RAPH1: variants seen among roughly 807,000 people sequenced by gnomAD.
RAPH1 encodes the protein Ras association (RalGDS/AF-6) and pleckstrin homology domains 1.
In RAPH1, 18 loss-of-function variants were observed where a neutral mutation model predicts 88.1. That is an observed-to-expected ratio of 0.20 (90% confidence interval 0.14 to 0.30). The LOEUF is 0.30. Ranked by LOEUF, RAPH1 falls within the 10% of genes least tolerant of loss-of-function variation. RAPH1 has a pLI of 1.00. For synonymous variants in RAPH1, 587 were observed against 559.0 expected, an observed-to-expected ratio of 1.05 and a Z score of -0.71; for missense variants, 1,448 against 1,543.2, an observed-to-expected ratio of 0.94 and a Z score of 1.03.
chr2:203,496,461 C>T (rs373465717), intron 1 of RAPH1, among the ~76,000 whole-genome samples: 8 of 152,146 alleles, frequency 5.3e-5, no homozygotes, highest in Middle Eastern at 3.2e-3. Flanking sequence ...AGATCAATGA[C>T]TGATTAATCT....
intron 4 of RAPH1, 89 bp from the exon 5 acceptor site, chr2:203,462,014 T>G (rs904635870): frequency 4.1e-6 from 4 of 969,642 alleles, no homozygotes; most frequent in Middle Eastern, 2.2e-4. Context: ...CTCCCAGCAA[T>G]AAATTTCATT....
chr2:203,463,875 ACT>A (rs2153643175), intron 4 of RAPH1, among the ~76,000 whole-genome samples: 1 of 152,252 alleles, frequency 6.6e-6, no homozygotes, highest in Admixed American at 6.5e-5. Flanking sequence ...TGTCATTAAA[ACT>A]CTCAGTTTTT....
intron 6 of RAPH1, among the ~76,000 whole-genome samples, chr2:203,461,000 C>T (rs898631568): frequency 3.9e-5 from 6 of 151,998 alleles, no homozygotes; most frequent in African/African-American, 1.4e-4. Context: ...CCTGTAGTCC[C>T]AGCTACTCAG....
At chr2:203,523,991 G>A (rs996270531) in intron 1 of RAPH1, among the ~76,000 whole-genome samples, 4 of 152,226 alleles carry the variant, frequency 2.6e-5, no homozygotes, top group East Asian at 1.9e-4. Context: ...GCAACAGAGC[G>A]AGACTCTGTC....
At chr2:203,505,881 AC>A (rs1688967841) in intron 1 of RAPH1, among the ~76,000 whole-genome samples, 1 of 152,076 alleles carries the variant, frequency 6.6e-6, no homozygotes, top group Non-Finnish European at 1.5e-5. Context: ...CACACTTCAG[AC>A]CTTTTGCTGT....
At chr2:203,488,588 TAAAAAAAAAAAAAAAAAA>T (rs750783858) in intron 4 of RAPH1, among the ~76,000 whole-genome samples, 10 of 36,652 alleles carry the variant, frequency 2.7e-4, no homozygotes, top group African/African-American at 1.1e-3. Flanking sequence ...CTCCGTCTAT[TAAAAAAAAAAAAAAAAAA>T]AAAAAAAAAA....
At chr2:203,475,212 C>G (rs1002279565) in intron 4 of RAPH1, among the ~76,000 whole-genome samples, 2 of 152,142 alleles carry the variant, frequency 1.3e-5, no homozygotes, top group Non-Finnish European at 2.9e-5. Context: ...TCAATACCAT[C>G]CTGGCTAACA....
At chr2:203,525,380 C>A (rs756348289) in intron 1 of RAPH1, among the ~76,000 whole-genome samples, 2 of 151,796 alleles carry the variant, frequency 1.3e-5, no homozygotes, top group African/African-American at 2.4e-5. Flanking sequence ...GGGGTTTCAC[C>A]ATGTTGGTCA....
intron 1 of RAPH1, among the ~76,000 whole-genome samples, chr2:203,521,274 G>A (rs554110582): frequency 2.6e-5 from 4 of 152,150 alleles, no homozygotes; most frequent in South Asian, 4.2e-4. Flanking sequence ...GGCTGGTCTC[G>A]AACTCCTGAC....
At chr2:203,489,497 A>T in intron 4 of RAPH1, 87 bp downstream of exon 4, 1 of 1,007,534 alleles carries the variant, frequency 9.9e-7, no homozygotes, top group Non-Finnish European at 1.3e-6. Context: ...ATGTAGAAGA[A>T]TTTAAGAAGT....
Position 203,448,191 on chromosome 2 carries a change from A to T in RAPH1, c.1513-112T>A. 5 of 959,088 alleles carry T rather than the reference A, an allele frequency of 5.2e-6. No homozygotes were observed. Among genetic ancestry groups the T allele is most frequent in the Non-Finnish European group, 7.7e-6 (5 of 648,566 alleles). The allele number at this position is 959,088 out of a possible 1,614,324, so 59.4% of individuals were successfully genotyped here. On this transcript the variant is annotated intron_variant, in intron 11 of 13. Coordinates refer to ENST00000319170, the MANE Select transcript of RAPH1 (RefSeq NM_213589.3). The surrounding 1 kb of genome is among the most constrained non-coding windows in gnomAD (Gnocchi z 4.1). ...TTACTGATTGATGGTCTGTATTAAA[A>T]TTAATACCTATGATAGTTCAAAAAT...
intron 1 of RAPH1, among the ~76,000 whole-genome samples, chr2:203,513,209 T>TG (rs34396607): frequency 0.11 from 16,088 of 149,424 alleles, 1,617 homozygotes; most frequent in African/African-American, 0.27. Context: ...TGCAGAAAAA[T>TG]GGGGGGGGGA....
At position 203,440,401 on chromosome 2, in the gene RAPH1, G is replaced by T; in HGVS notation, c.2789C>A (p.Pro930Gln). ...PPESSLVFPP[P>Q]PPSPVPAPPP... Reference sequence around the variant, plus strand: ...TGGGGCTGGGACAGGTGATGGGGGTGGAGGAGGAAACACCAGGCTGCTTTC... The same window carrying T: ...TGGGGCTGGGACAGGTGATGGGGGTTGAGGAGGAAACACCAGGCTGCTTTC... The change falls in exon 14 of 14, where the codon CCA becomes CAA. Residue 930 changes from proline (P) to glutamine (Q), a missense_variant. This residue lies in a region of RAPH1 where 935 missense variants were observed against 890.1 expected (regional missense o/e 1.05). Coordinates refer to ENST00000319170, the MANE Select transcript of RAPH1 (RefSeq NM_213589.3). 6.4e-7 allele frequency: 1 copy of T among 1,568,408 alleles called. No individual in the cohort carries two copies. The highest frequency in any genetic ancestry group is 8.6e-7 in the Non-Finnish European group (1 of 1,156,762).
chr2:203,500,643 C>G (rs557349268), intron 1 of RAPH1, among the ~76,000 whole-genome samples: 1 of 152,274 alleles, frequency 6.6e-6, no homozygotes, highest in Non-Finnish European at 1.5e-5. Flanking sequence ...CAGGGTATTG[C>G]TTATACTCAC....
At position 203,439,558 on chromosome 2, in the gene RAPH1, G is replaced by C. The variant is rs756072357; in HGVS notation, c.3632C>G (p.Ser1211Cys). The C allele has an allele frequency of 7.4e-6, 12 of 1,614,058 alleles. No individual in the cohort carries two copies. Among genetic ancestry groups the C allele is most frequent in the East Asian group, 2.2e-5 (1 of 44,896 alleles). Residue 1211 changes from serine to cysteine, a missense_variant, in exon 14 of 14, where the codon TCT (serine) becomes TGT (cysteine). Physicochemically the swap from Ser to Cys is moderately radical, Grantham distance 112. This residue lies in a region of RAPH1 where 935 missense variants were observed against 890.1 expected (regional missense o/e 1.05). Transcript: ENST00000319170. ...TCCGTAACCAGCCTTCTGTTGATCA[G>C]ACAGCAGTTCAGGGGGTGGTGGAGG... is the stretch of plus-strand genomic sequence containing the variant. ...ALPPPPPELL[S>C]DQQKAGYGGS...
chr2:203,443,340 A>G (rs531503807), intron 13 of RAPH1: 6 of 152,320 alleles, frequency 3.9e-5, no homozygotes, highest in African/African-American at 1.4e-4. Flanking sequence ...TGGTTCCTCA[A>G]TGATGGAGTG....
intron 12 of RAPH1, 103 bp from the exon 13 acceptor site, chr2:203,445,113 G>T: frequency 1.1e-6 from 1 of 936,734 alleles, no homozygotes; most frequent in Non-Finnish European, 1.6e-6. Context: ...CAAGTGCTGT[G>T]TACAACAGCA....
intron 9 of RAPH1, 103 bp downstream of exon 9, chr2:203,455,334 C>T: frequency 9.0e-7 from 1 of 1,111,326 alleles, no homozygotes; most frequent in Non-Finnish European, 1.3e-6. Context: ...CTTCCACGAA[C>T]TGAAACAAAT....
At position 203,434,060 on chromosome 2, in the gene RAPH1, A is replaced by ATCTATT. The variant is rs1241030170; in HGVS notation, c.*5376_*5377insAATAGA. On this transcript the variant is annotated 3_prime_UTR_variant, in exon 14 of 14. Transcript: ENST00000319170. ...CTCATATATCTATCTATCTATCTAT[A>ATCTATT]TATATATATATATATATATAGCTTT... 1 of 119,410 alleles carries ATCTATT rather than the reference A, an allele frequency of 8.4e-6. No individual in the cohort carries two copies. The highest frequency in any genetic ancestry group is 3.8e-5 in the African/African-American group (1 of 26,432). 7.4% of individuals were successfully genotyped at this position (119,410 alleles called of 1,614,324 possible). A position where few individuals can be genotyped will look rare whatever the true frequency, so the allele number is the denominator to read the frequency against.
Sources: gnomAD v4.1 joint callset for allele counts (sites outside exome capture counted in the v4.1 genomes callset) on GRCh38, gnomAD v4.1.1 for gene constraint, gnomAD v4.1.1 regional missense constraint, Gnocchi (gnomAD v3.1) non-coding constraint, MANE v1.5 for transcripts, NCBI Gene and HGNC (gene_info 2026-07-23, HGNC 2026-07-21) for gene names.